PTPRS: variants seen among roughly 807,000 people sequenced by gnomAD.
The protein encoded by PTPRS is protein tyrosine phosphatase receptor type S.
PTPRS carries 63 observed loss-of-function variants against 215.3 expected under a neutral mutation model. The ratio of observed to expected loss-of-function variants is 0.29; its 90% CI spans 0.24 to 0.36. The LOEUF is 0.36. Ranked by LOEUF, PTPRS falls within the 10% of genes least tolerant of loss-of-function variation. PTPRS has a pLI of 1.00. For synonymous variants in PTPRS, 1,404 were observed against 1,191.4 expected (o/e 1.18, Z -3.68); for missense variants, 2,258 against 2,825.8 (o/e 0.80, Z 4.56).
At chr19:5,304,621 T>C (rs914802186) in intron 1 of PTPRS, among the ~76,000 whole-genome samples, 9 of 152,024 alleles carry the variant, frequency 5.9e-5, no homozygotes, top group Admixed American at 5.9e-4. Context: ...TGCTCTCCTG[T>C]CTGGGTGATA....
intron 1 of PTPRS, among the ~76,000 whole-genome samples, chr19:5,298,554 C>G (rs1049723907): frequency 6.6e-6 from 1 of 152,208 alleles, no homozygotes; most frequent in Non-Finnish European, 1.5e-5. Flanking sequence ...TGCCCATGCC[C>G]AAGGCTCCCG....
chr19:5,219,372 G>A lies in PTPRS; in HGVS notation c.3861C>T (p.Ile1287=), dbSNP rs144581938. 128 of 1,613,660 alleles carry A rather than the reference G, an allele frequency of 7.9e-5. No individual in the cohort carries two copies. Among genetic ancestry groups the A allele is most frequent in the Middle Eastern group, 1.6e-4 (1 of 6,080 alleles). ...TGAAGACCACGGCCAGCACAGGCCC[G>A]ATCACCCAGATAAGCCCCTCCTCGC... ...VDGEEGLIWV[I]GPVLAVVFII... Residue 1287 remains isoleucine, a synonymous_variant, in exon 23 of 38, where the codon ATC becomes ATT. Coordinates refer to ENST00000262963, the MANE Select transcript of PTPRS (RefSeq NM_002850.4).
intron 4 of PTPRS, among the ~76,000 whole-genome samples, chr19:5,267,863 C>A (rs1287727321): frequency 6.6e-6 from 1 of 152,026 alleles, no homozygotes; most frequent in East Asian, 1.9e-4. Context: ...AGCCCTGTAG[C>A]TGTATTTATT....
At chr19:5,327,217 C>T (rs375962378) in intron 1 of PTPRS, among the ~76,000 whole-genome samples, 2 of 152,210 alleles carry the variant, frequency 1.3e-5, no homozygotes, top group African/African-American at 2.4e-5. Flanking sequence ...CACAGCGACT[C>T]CCCAGCGCCC....
intron 11 of PTPRS, among the ~76,000 whole-genome samples, chr19:5,240,611 G>A (rs943120380): frequency 4.0e-5 from 6 of 151,860 alleles, no homozygotes; most frequent in Non-Finnish European, 7.4e-5. Context: ...AGGCCGAGGC[G>A]GGCAGATCAC....
At chr19:5,250,633 G>C (rs2044923522) in intron 9 of PTPRS, among the ~76,000 whole-genome samples, 1 of 150,040 alleles carries the variant, frequency 6.7e-6, no homozygotes, top group Non-Finnish European at 1.5e-5. Context: ...GACCCGCTTG[G>C]GCGAGGGGGT....
In PTPRS at chr19:5,243,973, G is replaced by A. The variant is rs1173811578; in HGVS notation, c.1498C>T (p.Arg500Trp). The A allele has an allele frequency of 1.9e-6, 3 of 1,600,958 alleles. No individual in the cohort carries two copies. Among genetic ancestry groups the A allele is most frequent in the Non-Finnish European group, 1.7e-6 (2 of 1,179,102 alleles). Reference protein sequence around the residue: ...SLLEDETYTVRVLAFTSVGDG... With the variant: ...SLLEDETYTVWVLAFTSVGDG... ...CCGACGGAGGTGAAGGCGAGCACCC[G>A]CACGGTGTAGGTCTCGTCCTCCAGC... The change falls in exon 11 of 38, where the codon CGG becomes TGG. Residue 500 changes from arginine (R) to tryptophan (W), a missense_variant. By Grantham distance (101) the Arg-to-Trp change is moderately radical (BLOSUM62 -3). Coordinates refer to ENST00000262963, the MANE Select transcript of PTPRS (RefSeq NM_002850.4).
intron 1 of PTPRS, among the ~76,000 whole-genome samples, chr19:5,301,035 G>A (rs1410380345): frequency 6.6e-6 from 1 of 152,182 alleles, no homozygotes; most frequent in Non-Finnish European, 1.5e-5. Flanking sequence ...AAGCCAGAAA[G>A]CAAAAGCCAC....
At chr19:5,269,580 G>A (rs1235582096) in intron 4 of PTPRS, among the ~76,000 whole-genome samples, 2 of 151,994 alleles carry the variant, frequency 1.3e-5, no homozygotes, top group Non-Finnish European at 2.9e-5. Flanking sequence ...CAGGAAGAAT[G>A]AGCTCCCAGC....
chr19:5,320,405 C>G (rs1167433900), intron 1 of PTPRS, among the ~76,000 whole-genome samples: 1 of 152,228 alleles, frequency 6.6e-6, no homozygotes, highest in African/African-American at 2.4e-5. Context: ...AGGGACAAGC[C>G]TGATAAACAT....
At chr19:5,320,755 T>C (rs1014401615) in intron 1 of PTPRS, among the ~76,000 whole-genome samples, 1 of 152,056 alleles carries the variant, frequency 6.6e-6, no homozygotes, top group African/African-American at 2.4e-5. Flanking sequence ...CACACTGTCC[T>C]CATGCTGAGC....
chr19:5,301,939 C>T (rs954518299), intron 1 of PTPRS, among the ~76,000 whole-genome samples: 2 of 152,060 alleles, frequency 1.3e-5, no homozygotes, highest in African/African-American at 4.8e-5. Flanking sequence ...TGCCACCACA[C>T]CCAGCTAATT....
intron 1 of PTPRS, among the ~76,000 whole-genome samples, chr19:5,315,602 C>T (rs1411709019): frequency 3.3e-5 from 5 of 151,430 alleles, no homozygotes; most frequent in Middle Eastern, 3.2e-3. Flanking sequence ...AGGCCCCAAG[C>T]GATCCTCCCA....
rs371018653 is a variant in PTPRS at position 5,222,981 on chromosome 19, C to T, written c.2811G>A (p.Ala937=). ...TPRGHPQILE[A]AGNASAGTVL... ...CGGTCCCGGCCGAGGCGTTGCCGGC[C>T]GCCTCCAGAATCTGCGGGTGGCCAC... The change falls in exon 18 of 38, where the codon GCG becomes GCA. Residue 937 remains alanine (A), a synonymous_variant. Transcript: ENST00000262963. 157 of 1,541,078 alleles carry T rather than the reference C, an allele frequency of 1.0e-4. No homozygotes were observed. Among genetic ancestry groups the T allele is most frequent in the Middle Eastern group, 6.7e-4 (4 of 5,942 alleles).
intron 1 of PTPRS, among the ~76,000 whole-genome samples, chr19:5,337,882 C>T (rs1043491566): frequency 1.3e-5 from 2 of 152,128 alleles, no homozygotes; most frequent in African/African-American, 4.8e-5. Flanking sequence ...GCGCACTGAA[C>T]GCTCAACCGG....
rs572533605 is a variant in PTPRS, at chr19:5,303,460, T to C, written c.-94-17226A>G. 1.9e-3 allele frequency among the ~76,000 whole-genome samples: 286 copies of C among 152,246 alleles called. 2 individuals carry two copies. Among genetic ancestry groups the C allele is most frequent in the African/African-American group, 6.6e-3 (274 of 41,550 alleles). ...GGGACACAGTACAGATCAAGGCAGA[T>C]AACCTCTCAGGGCTTCTGTTCTGGG... On this transcript the variant is annotated intron_variant, in intron 1 of 37. Coordinates refer to ENST00000262963, the MANE Select transcript of PTPRS (RefSeq NM_002850.4).
Position 5,222,786 on chromosome 19 carries a change from G to C in PTPRS, c.3006C>G (p.Pro1002=), listed in dbSNP as rs571071546. The change falls in exon 18 of 38, where the codon CCC becomes CCG. Residue 1002 remains proline (P), a synonymous_variant. Coordinates refer to ENST00000262963, the MANE Select transcript of PTPRS (RefSeq NM_002850.4). ...ENALTLQGLK[P]DTAYDLQVRA... is the part of the protein sequence containing the mutation. ...GCACTTGGAGGTCATAGGCCGTGTCGGGCTTCAGGCCCTGCAGCGTGAGCG... is the reference window on the plus strand; with the variant it reads ...GCACTTGGAGGTCATAGGCCGTGTCCGGCTTCAGGCCCTGCAGCGTGAGCG... 21 of 1,598,694 alleles carry C rather than the reference G, an allele frequency of 1.3e-5. 1 individual carries two copies. The South Asian group carries it at 2.1e-4, about 16-fold the overall frequency.
At chr19:5,318,621 A>G (rs2049942892) in intron 1 of PTPRS, among the ~76,000 whole-genome samples, 1 of 151,832 alleles carries the variant, frequency 6.6e-6, no homozygotes. Flanking sequence ...CAGCTGATAG[A>G]CTGCAGATAT....
At chr19:5,208,098 G>C (rs2040533346) in intron 36 of PTPRS, 41 bp from the exon 37 acceptor site, 2 of 1,599,804 alleles carry the variant, frequency 1.3e-6, no homozygotes, top group South Asian at 1.1e-5. Context: ...AGGGGCAGGT[G>C]CTGGGGAGCC....
Sources: gnomAD v4.1 joint callset for allele counts (sites outside exome capture counted in the v4.1 genomes callset) on GRCh38, gnomAD v4.1.1 for gene constraint, MANE v1.5 for transcripts, NCBI Gene and HGNC (gene_info 2026-07-23, HGNC 2026-07-21) for gene names.